TRAF3IP2: variants seen among roughly 807,000 people sequenced by gnomAD.
TRAF3IP2 encodes TRAF3 interacting protein 2, also known as E3 ubiquitin ligase TRAF3IP2.
TRAF3IP2 carries 35 observed loss-of-function variants against 57.9 expected under a neutral mutation model. The ratio of observed to expected loss-of-function variants is 0.60; its 90% CI spans 0.46 to 0.80. The LOEUF is 0.80. Among genes scored for constraint, TRAF3IP2 ranks in the 30% least tolerant of loss-of-function variants. The probability of loss-of-function intolerance (pLI) is 0.00; values close to 1 mark genes in which losing one functional copy is unlikely to be tolerated. For missense variants in TRAF3IP2, 556 were observed against 706.4 expected, an observed-to-expected ratio of 0.79 and a Z score of 2.41; for synonymous variants, 251 against 268.9, an observed-to-expected ratio of 0.93 and a Z score of 0.65.
intron 5 of TRAF3IP2, among the ~76,000 whole-genome samples, chr6:111,570,762 T>C (rs1795804814): frequency 6.6e-6 from 1 of 152,178 alleles, no homozygotes; most frequent in Non-Finnish European, 1.5e-5. Context: ...GACCTGGTCT[T>C]GTTATATTGC....
At chr6:111,588,202 A>G (rs1796398813) in intron 2 of TRAF3IP2, among the ~76,000 whole-genome samples, 1 of 152,142 alleles carries the variant, frequency 6.6e-6, no homozygotes, top group Non-Finnish European at 1.5e-5. Flanking sequence ...TTTAATTTTC[A>G]TATTGGCTAT....
At chr6:111,586,075 A>T (rs1410103601) in intron 2 of TRAF3IP2, among the ~76,000 whole-genome samples, 1 of 152,212 alleles carries the variant, frequency 6.6e-6, no homozygotes, top group Non-Finnish European at 1.5e-5. Context: ...GATATAATGC[A>T]ATCAGTTTAG....
At chr6:111,601,000 C>G in intron 1 of TRAF3IP2, 1 of 487,756 alleles carries the variant, frequency 2.1e-6, no homozygotes, top group South Asian at 3.9e-5. Flanking sequence ...AGTAACTTTT[C>G]CGAGGTCACA....
At chr6:111,589,274 G>C (rs911576288) in intron 2 of TRAF3IP2, among the ~76,000 whole-genome samples, 1 of 151,978 alleles carries the variant, frequency 6.6e-6, no homozygotes. Context: ...ATGTTGGCCA[G>C]GCTAGTCTCA....
intron 2 of TRAF3IP2, among the ~76,000 whole-genome samples, chr6:111,580,667 A>G (rs946308372): frequency 6.6e-6 from 1 of 152,222 alleles, no homozygotes; most frequent in Non-Finnish European, 1.5e-5. Context: ...AACTCTACAC[A>G]GGCTCCTCTT....
intron 5 of TRAF3IP2, among the ~76,000 whole-genome samples, chr6:111,569,545 AGT>A (rs74589060): frequency 0.025 from 3,784 of 152,190 alleles, 84 homozygotes; most frequent in Admixed American, 0.059. Context: ...TGAGGTTAGG[AGT>A]GTGAGACCAG....
chr6:111,602,417 G>A (rs905542432), intron 1 of TRAF3IP2: 6 of 152,056 alleles, frequency 3.9e-5, no homozygotes, highest in African/African-American at 1.5e-4. Flanking sequence ...CACAGCCACG[G>A]AGTGAAGGAG....
intron 5 of TRAF3IP2, among the ~76,000 whole-genome samples, chr6:111,568,939 G>A (rs550905672): frequency 3.9e-5 from 6 of 152,214 alleles, no homozygotes; most frequent in East Asian, 3.9e-4. Flanking sequence ...CAATTAACAC[G>A]TATGATAACA....
intron 8 of TRAF3IP2, among the ~76,000 whole-genome samples, chr6:111,560,171 G>A (rs745368630): frequency 2.8e-4 from 42 of 152,296 alleles, no homozygotes; most frequent in Middle Eastern, 6.8e-3. Flanking sequence ...GGAGTGCTGG[G>A]GCAAGGGTGA....
chr6:111,555,964 A>G lies in TRAF3IP2; in HGVS notation c.*3441T>C, dbSNP rs994949370. Among the ~76,000 whole-genome samples the G allele has an allele frequency of 4.6e-5, 7 of 152,074 alleles. No homozygotes were observed. The highest frequency in any genetic ancestry group is 1.9e-4 in the East Asian group (1 of 5,190). ...TAAAAATACAAAAAATTAGCCGGGC[A>G]TGGTGGCAGGTGCCTGTAGTCACAG... On this transcript the variant is annotated 3_prime_UTR_variant, in exon 9 of 9. Coordinates refer to ENST00000368761, the MANE Select transcript of TRAF3IP2 (RefSeq NM_147686.4).
rs569819223 is a variant in TRAF3IP2, at chr6:111,603,298, G to T, written c.-9+2478C>A. 6.6e-5 allele frequency among the ~76,000 whole-genome samples: 10 copies of T among 152,314 alleles called. No individual in the cohort carries two copies. The East Asian group carries it at 1.7e-3, about 26-fold the overall frequency. On this transcript the variant is annotated intron_variant, in intron 1 of 8. Coordinates refer to ENST00000368761, the MANE Select transcript of TRAF3IP2 (RefSeq NM_147686.4). The stretch of plus-strand genomic sequence containing the variant: ...AGAAACAGGAGAGGCCCGGGGGGCA[G>T]CTTCTTGATTCCAGTCCTCAGACAC...
At chr6:111,579,249 G>A (rs1461155855) in intron 3 of TRAF3IP2, among the ~76,000 whole-genome samples, 23 of 150,668 alleles carry the variant, frequency 1.5e-4, no homozygotes, top group African/African-American at 4.2e-4. Context: ...CCCAGGAGGC[G>A]GAGGTTGCAG....
At chr6:111,596,937 C>G (rs1467282746) in intron 1 of TRAF3IP2, among the ~76,000 whole-genome samples, 1 of 152,164 alleles carries the variant, frequency 6.6e-6, no homozygotes, top group Non-Finnish European at 1.5e-5. Context: ...CAGCTATATT[C>G]TCAACACCTA....
chr6:111,559,319 A>C lies in TRAF3IP2; in HGVS notation c.*86T>G. On this transcript the variant is annotated 3_prime_UTR_variant, in exon 9 of 9. Transcript: ENST00000368761. Reference sequence around the variant, plus strand: ...GAGGAACAGAAAAAAACCAGCCAGGAGTGCTACCGACCAGCCTCAGCCAGA... The same window carrying C: ...GAGGAACAGAAAAAAACCAGCCAGGCGTGCTACCGACCAGCCTCAGCCAGA... 2 of 1,527,726 alleles carry C rather than the reference A, an allele frequency of 1.3e-6. No individual in the cohort carries two copies. The highest frequency in any genetic ancestry group is 1.8e-6 in the Non-Finnish European group (2 of 1,138,034). 94.6% of individuals were successfully genotyped at this position (1,527,726 alleles called of 1,614,324 possible).
At chr6:111,580,412 C>T (rs755803415) in intron 2 of TRAF3IP2, 23 bp from the exon 3 acceptor site, 1 of 1,520,716 alleles carries the variant, frequency 6.6e-7, no homozygotes, top group Non-Finnish European at 8.8e-7. Flanking sequence ...ACAACAAAGA[C>T]AACAGGGAAC....
At position 111,566,658 on chromosome 6, in the gene TRAF3IP2, A is replaced by G. The variant is rs1434206236; in HGVS notation, c.1360-98T>C. 3.8e-6 allele frequency: 4 copies of G among 1,047,458 alleles called. No individual in the cohort carries two copies. The Admixed American group carries it at 6.8e-5, about 18-fold the overall frequency. The allele number at this position is 1,047,458 out of a possible 1,614,324, so 64.9% of individuals were successfully genotyped here. Reference sequence around the variant, plus strand: ...GGGTGGAGGGCCAGGCTCATTCTCCATAGAAAGAGAAGCACTGGCCCCCAC... The same window carrying G: ...GGGTGGAGGGCCAGGCTCATTCTCCGTAGAAAGAGAAGCACTGGCCCCCAC... On this transcript the variant is annotated intron_variant, in intron 6 of 8. Coordinates refer to ENST00000368761, the MANE Select transcript of TRAF3IP2 (RefSeq NM_147686.4).
At position 111,555,425 on chromosome 6, in the gene TRAF3IP2, G is replaced by A. The variant is rs960844336; in HGVS notation, c.*3980C>T. Among the ~76,000 whole-genome samples the A allele has an allele frequency of 1.3e-5, 2 of 152,084 alleles. No individual in the cohort carries two copies. Among genetic ancestry groups the A allele is most frequent in the Admixed American group, 6.6e-5 (1 of 15,262 alleles). On this transcript the variant is annotated 3_prime_UTR_variant, in exon 9 of 9. Coordinates refer to ENST00000368761, the MANE Select transcript of TRAF3IP2 (RefSeq NM_147686.4). The stretch of plus-strand genomic sequence containing the variant: ...TATTTAACAGGAAACAAAGAAAAAG[G>A]TATCAACAGTAATAATTTTTCTGAG...
chr6:111,583,325 T>C (rs174373), intron 2 of TRAF3IP2, among the ~76,000 whole-genome samples: 102,108 of 152,088 alleles, frequency 0.67, 35,934 homozygotes, highest in Non-Finnish European at 0.79. Context: ...GACCAGGGGC[T>C]CCCAACTCCC....
intron 7 of TRAF3IP2, among the ~76,000 whole-genome samples, chr6:111,563,246 A>G (rs1015546075): frequency 2.0e-5 from 3 of 152,150 alleles, no homozygotes; most frequent in African/African-American, 7.2e-5. Context: ...GTCACATTCT[A>G]TGTCAGACTT....
Sources: gnomAD v4.1 joint callset for allele counts (sites outside exome capture counted in the v4.1 genomes callset) on GRCh38, gnomAD v4.1.1 for gene constraint, MANE v1.5 for transcripts, NCBI Gene and HGNC (gene_info 2026-07-23, HGNC 2026-07-21) for gene names.